Variants in KLHL1 observed in about 807,000 individuals in gnomAD.
KLHL1 encodes the protein kelch-like protein 1.
KLHL1 carries 47 observed loss-of-function variants against 77.7 expected under a neutral mutation model. The ratio of observed to expected loss-of-function variants is 0.60; its 90% CI spans 0.48 to 0.77. The LOEUF is 0.77. Ranked by LOEUF, KLHL1 falls within the 30% of genes least tolerant of loss-of-function variation. KLHL1 has a pLI of 0.00. For synonymous variants in KLHL1, 360 were observed against 325.2 expected (o/e 1.11, Z -1.15); for missense variants, 925 against 910.8 (o/e 1.02, Z -0.20).
At chr13:69,989,808 T>C (rs1884979819) in intron 1 of KLHL1, among the ~76,000 whole-genome samples, 1 of 152,010 alleles carries the variant, frequency 6.6e-6, no homozygotes, top group African/African-American at 2.4e-5. Flanking sequence ...TGTATATTGA[T>C]TTTGTATTCT....
chr13:69,893,002 C>T (rs142031012), intron 4 of KLHL1, among the ~76,000 whole-genome samples: 26 of 152,166 alleles, frequency 1.7e-4, no homozygotes, highest in African/African-American at 5.5e-4. Context: ...TTGCTTACAA[C>T]CAACATTTAA....
intron 7 of KLHL1, among the ~76,000 whole-genome samples, chr13:69,778,905 T>TCTCCTGCC (rs1380700974): frequency 6.6e-6 from 1 of 151,104 alleles, no homozygotes; most frequent in Admixed American, 6.6e-5. Flanking sequence ...TTCAAGCAAT[T>TCTCCTGCC]CTCCTGCCTC....
At chr13:69,746,894 G>A (rs8000091) in intron 7 of KLHL1, among the ~76,000 whole-genome samples, 64,880 of 151,718 alleles carry the variant, frequency 0.43, 14,147 homozygotes, top group African/African-American at 0.47. Flanking sequence ...TTCTTTCCAG[G>A]GTCTTGATGC....
intron 1 of KLHL1, among the ~76,000 whole-genome samples, chr13:70,039,102 C>T (rs937735549): frequency 2.1e-5 from 3 of 140,142 alleles, no homozygotes; most frequent in Non-Finnish European, 4.6e-5. Context: ...TACTCTATTT[C>T]CCAAGCTGGA....
chr13:70,056,805 A>G (rs1383249798), intron 1 of KLHL1, among the ~76,000 whole-genome samples: 5 of 152,120 alleles, frequency 3.3e-5, no homozygotes, highest in African/African-American at 9.6e-5. Context: ...TACAAAAACT[A>G]TGAAATATAA....
intron 6 of KLHL1, among the ~76,000 whole-genome samples, chr13:69,823,635 G>T (rs1878428979): frequency 6.6e-6 from 1 of 151,796 alleles, no homozygotes. Flanking sequence ...AAAATACTTT[G>T]TTTTCTTTTG....
At chr13:70,013,763 A>T (rs887710306) in intron 1 of KLHL1, among the ~76,000 whole-genome samples, 3 of 152,190 alleles carry the variant, frequency 2.0e-5, no homozygotes, top group African/African-American at 7.2e-5. Flanking sequence ...GAAGCTTGTT[A>T]TCTCACAGAT....
intron 2 of KLHL1, among the ~76,000 whole-genome samples, chr13:69,965,566 G>A (rs1007933652): frequency 3.9e-5 from 6 of 152,234 alleles, no homozygotes; most frequent in Admixed American, 2.0e-4. Flanking sequence ...GTGTCCAAAT[G>A]AATGGAAGTG....
chr13:69,770,047 T>A (rs150907396), intron 7 of KLHL1, among the ~76,000 whole-genome samples: 1 of 152,138 alleles, frequency 6.6e-6, no homozygotes, highest in African/African-American at 2.4e-5. Flanking sequence ...CTGTGAACAG[T>A]GGGAATGAGA....
At chr13:69,816,145 T>C (rs1878112499) in intron 6 of KLHL1, among the ~76,000 whole-genome samples, 1 of 152,050 alleles carries the variant, frequency 6.6e-6, no homozygotes, top group East Asian at 1.9e-4. Flanking sequence ...AGAAGATATA[T>C]AATTTTGATG....
chr13:70,083,717 A>G (rs1173709793), intron 1 of KLHL1, among the ~76,000 whole-genome samples: 2 of 152,196 alleles, frequency 1.3e-5, no homozygotes, highest in Non-Finnish European at 2.9e-5. Flanking sequence ...ATGTAATTAT[A>G]TACGAATTAA....
At chr13:70,016,615 G>A (rs557783877) in intron 1 of KLHL1, among the ~76,000 whole-genome samples, 10 of 152,286 alleles carry the variant, frequency 6.6e-5, no homozygotes, top group African/African-American at 1.7e-4. Flanking sequence ...TTTGGGCACC[G>A]ATGAGGATCG....
At chr13:69,807,698 G>C (rs1282495098) in intron 6 of KLHL1, among the ~76,000 whole-genome samples, 1 of 152,176 alleles carries the variant, frequency 6.6e-6, no homozygotes, top group Non-Finnish European at 1.5e-5. Context: ...TCTGGAATGG[G>C]GAGAAGGACT....
At chr13:69,813,122 C>T (rs1354243190) in intron 6 of KLHL1, among the ~76,000 whole-genome samples, 1 of 152,028 alleles carries the variant, frequency 6.6e-6, no homozygotes, top group Non-Finnish European at 1.5e-5. Flanking sequence ...GGCACATATA[C>T]ACCATGGAAT....
At chr13:69,719,273 C>A in intron 9 of KLHL1, 96 bp downstream of exon 9, 2 of 976,312 alleles carry the variant, frequency 2.0e-6, no homozygotes, top group South Asian at 3.0e-5. Flanking sequence ...TTGAATTTAC[C>A]CTTCCTAAAT....
At chr13:69,739,287 G>A (rs769201577) in intron 8 of KLHL1, among the ~76,000 whole-genome samples, 4 of 152,112 alleles carry the variant, frequency 2.6e-5, no homozygotes, top group Non-Finnish European at 4.4e-5. Context: ...GTTACCAGCC[G>A]CAACGAAAAC....
intron 1 of KLHL1, among the ~76,000 whole-genome samples, chr13:70,087,417 C>T (rs536689485): frequency 2.0e-4 from 30 of 151,988 alleles, no homozygotes; most frequent in African/African-American, 4.3e-4. Context: ...GTAGTAAAAA[C>T]GGCATAGTCA....
At chr13:69,701,830 A>C (rs1875410121) in intron 10 of KLHL1, 69 bp from the exon 11 acceptor site, 1 of 1,099,324 alleles carries the variant, frequency 9.1e-7, no homozygotes, top group East Asian at 2.6e-5. Flanking sequence ...ATATTTTAAA[A>C]GATTATCTAC....
chr13:69,933,108 AC>A, intron 4 of KLHL1, among the ~76,000 whole-genome samples: 1 of 151,990 alleles, frequency 6.6e-6, no homozygotes, highest in African/African-American at 2.4e-5. Flanking sequence ...CATTATACTC[AC>A]CCTGACCTTT....
Sources: allele counts gnomAD v4.1 joint callset (sites outside exome capture counted in the v4.1 genomes callset), GRCh38; gene constraint gnomAD v4.1.1; transcripts MANE v1.5; gene names NCBI Gene and HGNC (gene_info 2026-07-23, HGNC 2026-07-21).